Variants in XIRP2 observed in about 807,000 individuals in gnomAD.
XIRP2 encodes xin actin-binding repeat-containing protein 2.
Under a neutral mutation model 277.0 loss-of-function variants are expected in XIRP2, and 236 were observed. The ratio of observed to expected loss-of-function variants is 0.85; its 90% CI spans 0.77 to 0.95. The LOEUF is 0.95. XIRP2 is among the 40% of genes least tolerant of loss of function. XIRP2 has a pLI of 0.00. For synonymous variants in XIRP2, 1,490 were observed against 1,416.5 expected, an observed-to-expected ratio of 1.05 and a Z score of -1.17; for missense variants, 4,640 against 4,157.5, an observed-to-expected ratio of 1.12 and a Z score of -3.19.
intron 2 of XIRP2, among the ~76,000 whole-genome samples, chr2:166,939,297 A>G (rs2105379217): frequency 6.6e-6 from 1 of 152,168 alleles, no homozygotes; most frequent in African/African-American, 2.4e-5. Context: ...GTGGTGACAA[A>G]ATCTCTCAGC....
intron 2 of XIRP2, among the ~76,000 whole-genome samples, chr2:167,010,925 T>A (rs1687658668): frequency 1.3e-5 from 2 of 152,142 alleles, no homozygotes; most frequent in African/African-American, 4.8e-5. Context: ...GATTTTTGTA[T>A]CCTGAGACTT....
chr2:166,910,075 TTTG>T (rs1207314561), intron 2 of XIRP2, among the ~76,000 whole-genome samples: 3 of 152,154 alleles, frequency 2.0e-5, no homozygotes, highest in Admixed American at 6.5e-5. Context: ...AAAATTCTCT[TTTG>T]TTGTTGTGTC....
chr2:166,950,797 A>G (rs1381028034), intron 2 of XIRP2, among the ~76,000 whole-genome samples: 2 of 152,050 alleles, frequency 1.3e-5, no homozygotes, highest in African/African-American at 2.4e-5. Flanking sequence ...AGCCAGTCCA[A>G]TCATTTTCAA....
intron 3 of XIRP2, among the ~76,000 whole-genome samples, chr2:167,191,185 C>CAAAAAA (rs931552422): frequency 8.6e-5 from 4 of 46,690 alleles, no homozygotes; most frequent in East Asian, 6.8e-4. Flanking sequence ...GACCCTGTCT[C>CAAAAAA]AAAAAAAAAA....
chr2:167,243,432 C>G lies in XIRP2; in HGVS notation c.2040C>G (p.Ile680Met). 4 of 1,613,948 alleles carry G rather than the reference C, an allele frequency of 2.5e-6. No homozygotes were observed. Among genetic ancestry groups the G allele is most frequent in the Non-Finnish European group, 3.4e-6 (4 of 1,179,944 alleles). Residue 680 changes from isoleucine (I) to methionine (M), a missense_variant, in exon 9 of 11, where the codon ATC (isoleucine) becomes ATG (methionine). Ile to Met is a conservative substitution (Grantham distance 10). Coordinates refer to ENST00000409195, the MANE Select transcript of XIRP2 (RefSeq NM_152381.6). ...GTCAAGAAGAATCAGCGGTAACTAT[C>G]AGTAAGGACATAACTGGGGGGGATG... ...HQSQEESAVTISKDITGGDVK... is the reference protein window; with the variant it reads ...HQSQEESAVTMSKDITGGDVK...
intron 3 of XIRP2, among the ~76,000 whole-genome samples, chr2:167,187,965 T>C (rs1320026808): frequency 2.0e-5 from 3 of 152,210 alleles, no homozygotes; most frequent in African/African-American, 7.2e-5. Context: ...TACAGCTTGC[T>C]CAAAGAAATG....
chr2:167,204,182 G>GA (rs1693795391), intron 3 of XIRP2, among the ~76,000 whole-genome samples: 1 of 151,968 alleles, frequency 6.6e-6, no homozygotes, highest in Admixed American at 6.6e-5. Context: ...AAATTTCAAA[G>GA]AAAAAATAAT....
chr2:167,087,617 G>A (rs185322734), intron 2 of XIRP2, among the ~76,000 whole-genome samples: 2,157 of 152,312 alleles, frequency 0.014, 59 homozygotes, highest in African/African-American at 0.05. Flanking sequence ...AGGACCCTCC[G>A]AGCCAGGTGC....
At chr2:167,116,561 A>G (rs980747069) in intron 2 of XIRP2, among the ~76,000 whole-genome samples, 1 of 152,156 alleles carries the variant, frequency 6.6e-6, no homozygotes, top group Non-Finnish European at 1.5e-5. Flanking sequence ...AATAGCATCC[A>G]GTTATGTTGT....
Position 167,155,717 on chromosome 2 carries a change from A to G in XIRP2, c.562+19655A>G, listed in dbSNP as rs1692174949. ...AGGGATGCCCTCTCTCACCGCTCCT[A>G]TTCAACATAGTGTTGGAAGGTCTGG... On this transcript the variant is annotated intron_variant, in intron 3 of 10. Coordinates refer to ENST00000409195, the MANE Select transcript of XIRP2 (RefSeq NM_152381.6). Among the ~76,000 whole-genome samples the G allele has an allele frequency of 9.9e-5, 15 of 151,920 alleles. No individual in the cohort carries two copies. The South Asian group carries it at 3.1e-3, about 32-fold the overall frequency.
chr2:167,237,191 A>G (rs1694925051), intron 5 of XIRP2, among the ~76,000 whole-genome samples: 1 of 152,198 alleles, frequency 6.6e-6, no homozygotes, highest in African/African-American at 2.4e-5. Flanking sequence ...ACAAGAAAAC[A>G]TATTTACAGA....
At chr2:166,947,022 A>G (rs1159831543) in intron 2 of XIRP2, among the ~76,000 whole-genome samples, 2 of 152,178 alleles carry the variant, frequency 1.3e-5, no homozygotes, top group Non-Finnish European at 2.9e-5. Flanking sequence ...ACTGAAAAGT[A>G]TGATAAATGC....
chr2:166,933,614 C>A (rs1685411636), intron 2 of XIRP2, among the ~76,000 whole-genome samples: 1 of 151,762 alleles, frequency 6.6e-6, no homozygotes, highest in South Asian at 2.1e-4. Flanking sequence ...TTAATTCATT[C>A]CAATTAAAAT....
At chr2:167,189,129 C>T (rs899278093) in intron 3 of XIRP2, among the ~76,000 whole-genome samples, 4 of 152,174 alleles carry the variant, frequency 2.6e-5, no homozygotes, top group African/African-American at 9.7e-5. Context: ...AAAAACTTCT[C>T]CACCTTAGTA....
intron 2 of XIRP2, among the ~76,000 whole-genome samples, chr2:166,945,824 A>G (rs1685848834): frequency 6.6e-6 from 1 of 151,978 alleles, no homozygotes; most frequent in South Asian, 2.1e-4. Flanking sequence ...GGCATGTGCC[A>G]CCACACCCGG....
intron 2 of XIRP2, among the ~76,000 whole-genome samples, chr2:167,111,113 A>T (rs1690741828): frequency 6.6e-6 from 1 of 152,246 alleles, no homozygotes; most frequent in Admixed American, 6.5e-5. Context: ...AATTACGTCA[A>T]CTGCAAAGAG....
At chr2:167,126,066 T>G (rs1413228490) in intron 2 of XIRP2, among the ~76,000 whole-genome samples, 1 of 152,150 alleles carries the variant, frequency 6.6e-6, no homozygotes, top group Non-Finnish European at 1.5e-5. Flanking sequence ...TGATGGCTTC[T>G]GAGAGGGAGC....
At chr2:167,105,086 T>G (rs563983834) in intron 2 of XIRP2, among the ~76,000 whole-genome samples, 4 of 152,026 alleles carry the variant, frequency 2.6e-5, no homozygotes, top group Non-Finnish European at 5.9e-5. Flanking sequence ...GTAAGTTAGT[T>G]TTTTAATCAA....
intron 2 of XIRP2, among the ~76,000 whole-genome samples, chr2:167,087,934 A>G (rs1461327089): frequency 6.6e-6 from 1 of 152,142 alleles, no homozygotes; most frequent in Non-Finnish European, 1.5e-5. Context: ...TGTAGACCAG[A>G]GCTGTTCCTA....
Sources: allele counts gnomAD v4.1 joint callset (sites outside exome capture counted in the v4.1 genomes callset), GRCh38; gene constraint gnomAD v4.1.1; transcripts MANE v1.5; gene names NCBI Gene and HGNC (gene_info 2026-07-23, HGNC 2026-07-21).